The following SETD3 variants were observed in gnomAD, a reference collection of about 807,000 sequenced individuals.
SETD3 encodes actin-histidine N-methyltransferase.
Under a neutral mutation model 63.0 loss-of-function variants are expected in SETD3, and 19 were observed. The ratio of observed to expected loss-of-function variants is 0.30; its 90% CI spans 0.21 to 0.44. SETD3 has a LOEUF of 0.44. Ranked by LOEUF, SETD3 falls within the 20% of genes least tolerant of loss-of-function variation. The pLI is 1.00. For synonymous variants in SETD3, 286 were observed against 264.1 expected (o/e 1.08, Z -0.80); for missense variants, 587 against 728.5 (o/e 0.81, Z 2.24).
At chr14:99,458,084 C>T (rs1316784612) in intron 6 of SETD3, among the ~76,000 whole-genome samples, 195 bp downstream of exon 6, 1 of 152,130 alleles carries the variant, frequency 6.6e-6, no homozygotes, top group Non-Finnish European at 1.5e-5. Flanking sequence ...CTGATGAAAT[C>T]AGATATATAT....
intron 11 of SETD3, 99 bp from the exon 12 acceptor site, chr14:99,400,358 AT>A: frequency 7.7e-7 from 1 of 1,296,252 alleles, no homozygotes; most frequent in Non-Finnish European, 1.1e-6. Context: ...CAACAACGCC[AT>A]TTTCCCACGG....
Position 99,398,562 on chromosome 14 carries a change from C to A in SETD3, c.*117G>T. On this transcript the variant is annotated 3_prime_UTR_variant, in exon 13 of 13. Coordinates refer to ENST00000331768, the MANE Select transcript of SETD3 (RefSeq NM_032233.3). ...AAAAAACCATTTTTATATAAAGCAG[C>A]AAAAACATATCTTCCTCTCTGCAGA... The A allele has an allele frequency of 2.0e-6, 2 of 1,005,186 alleles. No homozygotes were observed. The highest frequency in any genetic ancestry group is 1.8e-5 in the South Asian group (1 of 55,268). 62.3% of individuals were successfully genotyped at this position (1,005,186 alleles called of 1,614,324 possible).
chr14:99,484,922 C>T (rs3918045), upstream of SETD3, among the ~76,000 whole-genome samples: 6 of 152,118 alleles, frequency 3.9e-5, no homozygotes, highest in African/African-American at 1.4e-4. Context: ...TGCTAAAATG[C>T]CTTGACAGGT....
At chr14:99,461,144 A>C in intron 4 of SETD3, 48 bp downstream of exon 4, 1 of 1,605,148 alleles carries the variant, frequency 6.2e-7, no homozygotes, top group Non-Finnish European at 8.5e-7. Flanking sequence ...ACAGCACACC[A>C]CAGTTCAAAC....
chr14:99,481,482 G>A, upstream of SETD3: 1 of 398,726 alleles, frequency 2.5e-6, no homozygotes, highest in Non-Finnish European at 4.4e-6. Context: ...AGCGAGGGGT[G>A]AGTGACCCAC....
chr14:99,440,943 T>G (rs964845148), intron 6 of SETD3, among the ~76,000 whole-genome samples: 1 of 152,156 alleles, frequency 6.6e-6, no homozygotes, highest in Non-Finnish European at 1.5e-5. Flanking sequence ...CCTGTGAATT[T>G]CACTTCTCAG....
chr14:99,400,318 C>T (rs1413597852), intron 11 of SETD3, 59 bp from the exon 12 acceptor site: 3 of 1,512,400 alleles, frequency 2.0e-6, no homozygotes. Flanking sequence ...CTCATTTGAA[C>T]AAGCAATCTA....
At chr14:99,445,138 T>C (rs1446366917) in intron 6 of SETD3, among the ~76,000 whole-genome samples, 2 of 152,196 alleles carry the variant, frequency 1.3e-5, no homozygotes, top group African/African-American at 2.4e-5. Flanking sequence ...AAATGAATAC[T>C]GGCAGCCAAG....
upstream of SETD3, chr14:99,481,377 T>A (rs1410342394): frequency 1.3e-5 from 5 of 398,350 alleles, no homozygotes; most frequent in Non-Finnish European, 1.8e-5. Flanking sequence ...CTTGGTGGCG[T>A]CTCAGGACGC....
At chr14:99,481,643 G>A (rs1896326565), upstream of SETD3, 1 of 392,752 alleles carries the variant, frequency 2.5e-6, no homozygotes, top group Non-Finnish European at 4.5e-6. Flanking sequence ...GGGCGACGCG[G>A]GGTTGTGGGG....
chr14:99,414,050 A>C, intron 6 of SETD3, 116 bp from the exon 7 acceptor site: 1 of 953,062 alleles, frequency 1.0e-6, no homozygotes, highest in South Asian at 1.4e-5. Flanking sequence ...AGCCAAATGA[A>C]GCAGGCGGCG....
chr14:99,450,514 A>G lies in SETD3; in HGVS notation c.675+7765T>C, dbSNP rs1894399245. The stretch of plus-strand genomic sequence containing the variant: ...GCTGCAGCAACAGTAAGTTGTGAAC[A>G]TGGCTGCTTGTCTCTTCTGCCACTC... On this transcript the variant is annotated intron_variant, in intron 6 of 12. Transcript: ENST00000331768. 2.6e-5 allele frequency among the ~76,000 whole-genome samples: 4 copies of G among 152,338 alleles called. No homozygotes were observed. In the South Asian group the frequency reaches 8.3e-4, roughly 32 times the overall value.
upstream of SETD3, among the ~76,000 whole-genome samples, chr14:99,484,744 G>A (rs1052936941): frequency 1.4e-4 from 22 of 152,322 alleles, no homozygotes; most frequent in African/African-American, 5.1e-4. Context: ...GTAAACTAAT[G>A]AGGTTTCATT....
chr14:99,441,497 C>CA (rs1292908385), intron 6 of SETD3, among the ~76,000 whole-genome samples: 2 of 152,226 alleles, frequency 1.3e-5, no homozygotes, highest in African/African-American at 4.8e-5. Flanking sequence ...AGATGACAAA[C>CA]ACAAAAGCAA....
At chr14:99,456,473 CAT>C (rs1024580764) in intron 6 of SETD3, among the ~76,000 whole-genome samples, 41 of 152,154 alleles carry the variant, frequency 2.7e-4, no homozygotes, top group African/African-American at 9.4e-4. Context: ...TATTTGTACT[CAT>C]TATAAATTAT....
At chr14:99,481,339 C>T (rs2139839406), upstream of SETD3, 1 of 398,396 alleles carries the variant, frequency 2.5e-6, no homozygotes, top group East Asian at 3.6e-5. Flanking sequence ...GGTTGACAGG[C>T]ATCCTACTCT....
rs113175613 is a variant in SETD3, at chr14:99,399,489, G to A, written c.1339-364C>T. Among the ~76,000 whole-genome samples the A allele has an allele frequency of 7.9e-3, 1,201 of 152,250 alleles. 14 individuals are homozygous for A. Among genetic ancestry groups the A allele is most frequent in the African/African-American group, 0.027 (1,130 of 41,534 alleles). ...CACGTGGGTGAATGGCATCAGTGAA[G>A]GAACGAATAAATGAGAAAGATGTAT... On this transcript the variant is annotated intron_variant, in intron 12 of 12. Coordinates refer to ENST00000331768, the MANE Select transcript of SETD3 (RefSeq NM_032233.3).
chr14:99,403,451 A>ACTCTCTCTCTCTCTCT (rs1316443573), intron 11 of SETD3, among the ~76,000 whole-genome samples: 25 of 107,032 alleles, frequency 2.3e-4, no homozygotes, highest in Admixed American at 6.1e-4. Context: ...ACACACACAC[A>ACTCTCTCTCTCTCTCT]CACACTCTCT....
chr14:99,424,409 A>G lies in SETD3; in HGVS notation c.676-10475T>C, dbSNP rs1243156246. ...AAGAAGCCAGACCCCAGGCCCTCCC[A>G]GAGGGCATCACACTTCAGGGCGGGG... is the stretch of plus-strand genomic sequence containing the variant. On this transcript the variant is annotated intron_variant, in intron 6 of 12. Transcript: ENST00000331768. Among the ~76,000 whole-genome samples, 3 of 152,174 alleles carry G rather than the reference A, an allele frequency of 2.0e-5. No homozygotes were observed. The East Asian group carries it at 5.8e-4, about 29-fold the overall frequency.
Sources: gnomAD v4.1 joint callset for allele counts (sites outside exome capture counted in the v4.1 genomes callset) on GRCh38, gnomAD v4.1.1 for gene constraint, MANE v1.5 for transcripts, NCBI Gene and HGNC (gene_info 2026-07-23, HGNC 2026-07-21) for gene names.